The following LRRC72 variants were observed in gnomAD, a reference collection of about 807,000 sequenced individuals.
LRRC72 encodes the protein leucine rich repeat containing 72.
In LRRC72, 41 loss-of-function variants were observed where a neutral mutation model predicts 35.8. The observed-to-expected ratio is 1.15, with a 90% CI of 0.89 to 1.49. LRRC72 has a LOEUF of 1.49. LRRC72 is among the 40% of genes most tolerant of loss of function. The probability of loss-of-function intolerance (pLI) is 0.00; values close to 1 mark genes in which losing one functional copy is unlikely to be tolerated. For synonymous variants in LRRC72, 118 were observed against 119.2 expected (o/e 0.99, Z 0.07); for missense variants, 389 against 330.7 (o/e 1.18, Z -1.37).
intron 7 of LRRC72, among the ~76,000 whole-genome samples, chr7:16,577,958 T>C (rs1783071746): frequency 6.6e-6 from 1 of 152,220 alleles, no homozygotes; most frequent in Non-Finnish European, 1.5e-5. Context: ...GATGACCATA[T>C]GGCAGTATCC....
At position 16,529,448 on chromosome 7, in the gene LRRC72, G is replaced by GT. The variant is rs149513026; in HGVS notation, c.90+2413dup. Among the ~76,000 whole-genome samples the GT allele has an allele frequency of 8.0e-3, 1,217 of 152,146 alleles. 8 individuals are homozygous for GT. Among genetic ancestry groups the GT allele is most frequent in the Non-Finnish European group, 0.01 (700 of 68,010 alleles). ...GTACTTGCAGATACTGTTTTTTGGGGTTTTTTTAATGTTACTATCGTAATT... is the reference window on the plus strand; with the variant it reads ...GTACTTGCAGATACTGTTTTTTGGGGTTTTTTTTAATGTTACTATCGTAATT... On this transcript the variant is annotated intron_variant, in intron 1 of 8. Coordinates refer to ENST00000401542, the MANE Select transcript of LRRC72 (RefSeq NM_001195280.2).
At chr7:16,529,909 A>G (rs1782133180) in intron 1 of LRRC72, among the ~76,000 whole-genome samples, 1 of 152,192 alleles carries the variant, frequency 6.6e-6, no homozygotes, top group African/African-American at 2.4e-5. Context: ...CACTAAAAAT[A>G]TATATTGCCT....
intron 3 of LRRC72, among the ~76,000 whole-genome samples, chr7:16,543,001 A>G (rs999361346): frequency 6.6e-6 from 1 of 152,202 alleles, no homozygotes; most frequent in African/African-American, 2.4e-5. Flanking sequence ...GGGATAAGTA[A>G]AAAAGCTAAT....
In LRRC72 at chr7:16,536,583, A is replaced by ACAAGTG. The variant is rs201942986; in HGVS notation, c.165-1043_165-1038dup. The stretch of plus-strand genomic sequence containing the variant: ...ATATGTTAAAAATTACGATGGTTAT[A>ACAAGTG]CAAGTGGTCATTGTACTATTCCTTC... On this transcript the variant is annotated intron_variant, in intron 2 of 8. Coordinates refer to ENST00000401542, the MANE Select transcript of LRRC72 (RefSeq NM_001195280.2). Among the ~76,000 whole-genome samples, 611 of 152,284 alleles carry ACAAGTG rather than the reference A, an allele frequency of 4.0e-3. 4 individuals are homozygous for ACAAGTG. Among genetic ancestry groups the ACAAGTG allele is most frequent in the African/African-American group, 0.014 (570 of 41,562 alleles).
chr7:16,541,657 TA>T (rs1350382168), intron 3 of LRRC72, among the ~76,000 whole-genome samples: 14 of 152,230 alleles, frequency 9.2e-5, no homozygotes, highest in Admixed American at 8.5e-4. Flanking sequence ...CTCATGCCTG[TA>T]ATCCCAGCCC....
chr7:16,527,693 A>G (rs1782095142), intron 1 of LRRC72, among the ~76,000 whole-genome samples: 1 of 152,188 alleles, frequency 6.6e-6, no homozygotes. Context: ...ACTCATCTGC[A>G]AAGATGGGGG....
At chr7:16,552,551 C>G (rs1782571488) in intron 3 of LRRC72, among the ~76,000 whole-genome samples, 1 of 152,160 alleles carries the variant, frequency 6.6e-6, no homozygotes, top group South Asian at 2.1e-4. Flanking sequence ...GGTGTTGGAT[C>G]TTCTTTTTAG....
rs1782083611 is a variant in LRRC72, at chr7:16,527,101, C to CA, written c.90+60dup. ...CCTTTGGCCCCCTGCCCCAGGGCCC[C>CA]ACCTCCTGCCTGAGGACTCCAGGCA... On this transcript the variant is annotated intron_variant, in intron 1 of 8. Coordinates refer to ENST00000401542, the MANE Select transcript of LRRC72 (RefSeq NM_001195280.2). The CA allele has an allele frequency of 9.5e-6, 13 of 1,375,386 alleles. No individual in the cohort carries two copies. The South Asian group carries it at 1.5e-4, about 16-fold the overall frequency. 85.2% of individuals were successfully genotyped at this position (1,375,386 alleles called of 1,614,324 possible).
chr7:16,575,815 A>T (rs980714476), intron 7 of LRRC72, among the ~76,000 whole-genome samples: 1 of 152,154 alleles, frequency 6.6e-6, no homozygotes, highest in African/African-American at 2.4e-5. Flanking sequence ...CCTCTTAAAA[A>T]CAGCGAATGC....
intron 5 of LRRC72, 85 bp from the exon 6 acceptor site, chr7:16,566,228 A>C: frequency 1.4e-6 from 1 of 727,542 alleles, no homozygotes; most frequent in Non-Finnish European, 2.0e-6. Flanking sequence ...TTTTATACGA[A>C]TCTCTTAATT....
At chr7:16,529,444 T>C (rs937550179) in intron 1 of LRRC72, among the ~76,000 whole-genome samples, 3 of 152,116 alleles carry the variant, frequency 2.0e-5, no homozygotes, top group African/African-American at 7.2e-5. Flanking sequence ...TACTGTTTTT[T>C]GGGGTTTTTT....
chr7:16,577,390 C>T (rs1583655790), intron 7 of LRRC72, among the ~76,000 whole-genome samples: 1 of 151,950 alleles, frequency 6.6e-6, no homozygotes, highest in Non-Finnish European at 1.5e-5. Context: ...AAATAGATTC[C>T]AGAGAGATTG....
At chr7:16,534,253 G>T (rs1177252744) in intron 2 of LRRC72, among the ~76,000 whole-genome samples, 4 of 152,162 alleles carry the variant, frequency 2.6e-5, no homozygotes, top group African/African-American at 9.7e-5. Flanking sequence ...TTGTCAGCAT[G>T]AGTCATAGCC....
At chr7:16,555,819 C>T (rs1334697080) in intron 3 of LRRC72, among the ~76,000 whole-genome samples, 1 of 151,980 alleles carries the variant, frequency 6.6e-6, no homozygotes, top group Non-Finnish European at 1.5e-5. Flanking sequence ...TTAGAAAACA[C>T]ACAAACAAAG....
At chr7:16,568,547 A>C (rs1782889542) in intron 7 of LRRC72, among the ~76,000 whole-genome samples, 2 of 152,222 alleles carry the variant, frequency 1.3e-5, no homozygotes, top group South Asian at 4.1e-4. Context: ...TGAAAAACAA[A>C]TTATAGATAG....
chr7:16,529,188 A>G (rs1782121765), intron 1 of LRRC72, among the ~76,000 whole-genome samples: 1 of 152,202 alleles, frequency 6.6e-6, no homozygotes, highest in Non-Finnish European at 1.5e-5. Flanking sequence ...ATTTCTCACA[A>G]CTGCCTTCCA....
chr7:16,532,569 G>C lies in LRRC72; in HGVS notation c.164+1G>C. 1 of 1,542,930 alleles carries C rather than the reference G, an allele frequency of 6.5e-7. No individual in the cohort carries two copies. The highest frequency in any genetic ancestry group is 8.8e-7 in the Non-Finnish European group (1 of 1,140,094). On this transcript the variant is annotated splice_donor_variant, in intron 2 of 8. Transcript: ENST00000401542. LOFTEE classifies it high-confidence loss of function. Reference sequence around the variant, plus strand: ...TCTTTGAGCTGTTCCTTTCTAAAAAGTAAGTGTACTTAACATAAAAAATGA... The same window carrying C: ...TCTTTGAGCTGTTCCTTTCTAAAAACTAAGTGTACTTAACATAAAAAATGA...
At chr7:16,560,384 A>G (rs575235396) in intron 5 of LRRC72, among the ~76,000 whole-genome samples, 6 of 152,298 alleles carry the variant, frequency 3.9e-5, no homozygotes, top group African/African-American at 9.6e-5. Flanking sequence ...TTCATTTGTT[A>G]TAGTTAGATT....
intron 3 of LRRC72, among the ~76,000 whole-genome samples, chr7:16,556,193 A>T (rs1459304235): frequency 6.6e-6 from 1 of 152,220 alleles, no homozygotes; most frequent in East Asian, 1.9e-4. Context: ...AATTCGAGAA[A>T]GTACTTTTTA....
Sources: allele counts gnomAD v4.1 joint callset (sites outside exome capture counted in the v4.1 genomes callset), GRCh38; gene constraint gnomAD v4.1.1; transcripts MANE v1.5; gene names NCBI Gene and HGNC (gene_info 2026-07-23, HGNC 2026-07-21).